ILDR1: variants seen among roughly 807,000 people sequenced by gnomAD.
ILDR1 encodes the protein immunoglobulin-like domain-containing receptor 1.
A neutral mutation model predicts 62.4 loss-of-function variants in ILDR1; 56 were observed. The ratio of observed to expected loss-of-function variants is 0.90; its 90% confidence interval spans 0.72 to 1.12. The LOEUF (loss-of-function observed/expected upper bound fraction) is 1.12. Ranked by LOEUF, ILDR1 falls within the 50% of genes most tolerant of loss-of-function variation. The pLI, the probability that ILDR1 is intolerant of heterozygous loss-of-function variation, is 0.00. For synonymous variants in ILDR1, 284 were observed against 277.8 expected, an observed-to-expected ratio of 1.02 and a Z score of -0.22; for missense variants, 736 against 710.6, an observed-to-expected ratio of 1.04 and a Z score of -0.41.
chr3:122,028,915 C>T, the ILDR1 span, among the ~76,000 whole-genome samples: 1 of 152,166 alleles, frequency 6.6e-6, no homozygotes, highest in Non-Finnish European at 1.5e-5. Context: ...TATAGAAACT[C>T]ATTCTTGGAC....
intron 4 of ILDR1, 68 bp downstream of exon 4, chr3:122,001,677 T>C: frequency 1.2e-6 from 2 of 1,603,906 alleles, no homozygotes; most frequent in Non-Finnish European, 1.7e-6. Context: ...GTTTTTTTTT[T>C]TTTTTCCTGT....
At chr3:122,009,933 G>C (rs565709861) in intron 1 of ILDR1, among the ~76,000 whole-genome samples, 84 of 152,344 alleles carry the variant, frequency 5.5e-4, no homozygotes, top group African/African-American at 1.7e-3. Context: ...CTATCTCCAG[G>C]ACTGGGCTGT....
At position 122,008,601 on chromosome 3, in the gene ILDR1, T is replaced by C. The variant is rs1462989494; in HGVS notation, c.59-1440A>G. Among the ~76,000 whole-genome samples the C allele has an allele frequency of 1.7e-3, 235 of 136,882 alleles. 1 individual carries two copies. The highest frequency in any genetic ancestry group is 5.9e-3 in the African/African-American group (220 of 37,478). 89.8% of individuals were successfully genotyped at this position (136,882 alleles called of 152,430 possible). ...TTCTTTTCTTTTCTTTTCTTTTTTTTTTTTTTTTTTGAGATAGAGTCTCGC... is the reference window on the plus strand; with the variant it reads ...TTCTTTTCTTTTCTTTTCTTTTTTTCTTTTTTTTTTGAGATAGAGTCTCGC... On this transcript the variant is annotated intron_variant, in intron 1 of 7. Coordinates refer to ENST00000344209, the MANE Select transcript of ILDR1 (RefSeq NM_001199799.2).
intron 7 of ILDR1, 59 bp downstream of exon 7, chr3:121,993,091 C>G: frequency 7.3e-7 from 1 of 1,370,054 alleles, no homozygotes; most frequent in African/African-American, 1.4e-5. Context: ...TGTGGTCATG[C>G]CTGGCTGGAG....
At chr3:122,028,124 G>A in the ILDR1 span, among the ~76,000 whole-genome samples, 2 of 151,750 alleles carry the variant, frequency 1.3e-5, no homozygotes, top group Admixed American at 6.6e-5. Context: ...TCAGGAGATC[G>A]AGAGCATCCT....
intron 7 of ILDR1, among the ~76,000 whole-genome samples, chr3:121,991,020 T>G (rs910122156): frequency 6.6e-6 from 1 of 152,078 alleles, no homozygotes; most frequent in Non-Finnish European, 1.5e-5. Flanking sequence ...GCCAACATGG[T>G]GAAACCCCAT....
At chr3:122,030,915 G>C in the ILDR1 span, among the ~76,000 whole-genome samples, 1 of 152,210 alleles carries the variant, frequency 6.6e-6, no homozygotes, top group Non-Finnish European at 1.5e-5. Context: ...ATGAGAGAAT[G>C]TCTTGCATCT....
the ILDR1 span, among the ~76,000 whole-genome samples, chr3:122,046,349 A>G: frequency 2.6e-5 from 4 of 151,390 alleles, no homozygotes; most frequent in East Asian, 3.9e-4. Flanking sequence ...GTTGCCCTTA[A>G]CATTTTTTCC....
chr3:122,016,124 C>A (rs1242007816), intron 1 of ILDR1, among the ~76,000 whole-genome samples: 2 of 152,238 alleles, frequency 1.3e-5, no homozygotes, highest in Admixed American at 1.3e-4. Flanking sequence ...CGCTAACATT[C>A]TTCTCATCTC....
upstream of ILDR1, among the ~76,000 whole-genome samples, chr3:122,023,714 C>G (rs2071896778): frequency 6.6e-6 from 1 of 152,048 alleles, no homozygotes; most frequent in Non-Finnish European, 1.5e-5. Flanking sequence ...AGAGTAAATT[C>G]AGGAAGTAAG....
the ILDR1 span, among the ~76,000 whole-genome samples, chr3:122,037,938 G>A: frequency 2.0e-5 from 3 of 151,026 alleles, no homozygotes; most frequent in Non-Finnish European, 4.4e-5. Flanking sequence ...CTCTCTCTCT[G>A]TCTCTCTGTC....
chr3:122,046,153 T>C, the ILDR1 span, among the ~76,000 whole-genome samples: 1 of 151,858 alleles, frequency 6.6e-6, no homozygotes, highest in Non-Finnish European at 1.5e-5. Flanking sequence ...GTCTGTGAAG[T>C]ATTTTATTTC....
At chr3:122,012,303 C>T (rs1164738099) in intron 1 of ILDR1, among the ~76,000 whole-genome samples, 2 of 152,178 alleles carry the variant, frequency 1.3e-5, no homozygotes, top group Non-Finnish European at 1.5e-5. Context: ...AGGCTTACTA[C>T]AAGTTTTCAA....
chr3:122,040,402 A>C, the ILDR1 span, among the ~76,000 whole-genome samples: 2 of 151,982 alleles, frequency 1.3e-5, no homozygotes, highest in Non-Finnish European at 1.5e-5. Context: ...TTTTACTAAA[A>C]ATATATAAAA....
the ILDR1 span, among the ~76,000 whole-genome samples, chr3:122,035,497 G>C: frequency 6.6e-6 from 1 of 152,128 alleles, no homozygotes; most frequent in South Asian, 2.1e-4. Context: ...CAAATCTTAT[G>C]TCAAATTGGA....
At position 121,987,550 on chromosome 3, in the gene ILDR1, C is replaced by G. The variant is rs573592263; in HGVS notation, c.*817G>C. ...GCTTCTCTGTGATTTTCTACACTTA[C>G]AATAAATAGTCCATTTATGGGCTGG... On this transcript the variant is annotated 3_prime_UTR_variant, in exon 8 of 8. Transcript: ENST00000344209. The G allele has an allele frequency of 2.6e-5, 4 of 152,322 alleles. No individual in the cohort carries two copies. In the East Asian group the frequency reaches 7.7e-4, roughly 29 times the overall value. 9.4% of individuals were successfully genotyped at this position (152,322 alleles called of 1,614,324 possible). A position where few individuals can be genotyped will look rare whatever the true frequency, so the allele number is the denominator to read the frequency against.
upstream of ILDR1, among the ~76,000 whole-genome samples, chr3:122,027,166 C>A (rs1455291542): frequency 6.6e-6 from 1 of 152,056 alleles, no homozygotes; most frequent in African/African-American, 2.4e-5. Context: ...TAGTATCAAG[C>A]CAGCATTCTC....
chr3:122,006,956 G>A, intron 2 of ILDR1, 35 bp downstream of exon 2: 3 of 1,597,538 alleles, frequency 1.9e-6, no homozygotes, highest in Non-Finnish European at 2.6e-6. Context: ...AGGTGTCTGG[G>A]ACCCACAGAG....
At chr3:122,055,519 T>C in the ILDR1 span, 2 of 1,613,572 alleles carry the variant, frequency 1.2e-6, no homozygotes, top group East Asian at 4.5e-5. Context: ...TAATAATTCT[T>C]ATTCTTTGCA....
Sources: gnomAD v4.1 joint callset for allele counts (sites outside exome capture counted in the v4.1 genomes callset) on GRCh38, gnomAD v4.1.1 for gene constraint, MANE v1.5 for transcripts, NCBI Gene and HGNC (gene_info 2026-07-23, HGNC 2026-07-21) for gene names.